Variants in BAZ2B observed in about 807,000 individuals in gnomAD.
BAZ2B encodes the protein bromodomain adjacent to zinc finger domain protein 2B.
In BAZ2B, 91 loss-of-function variants were observed where a neutral mutation model predicts 246.0. That is an observed-to-expected ratio of 0.37 (90% confidence interval 0.31 to 0.44). BAZ2B has a LOEUF of 0.44. Ranked by LOEUF, BAZ2B falls within the 20% of genes least tolerant of loss-of-function variation. BAZ2B has a pLI of 1.00. For synonymous variants in BAZ2B, 855 were observed against 860.0 expected (o/e 0.99, Z 0.10); for missense variants, 2,332 against 2,533.7 (o/e 0.92, Z 1.71).
At chr2:159,317,206 T>C (rs1161284285), downstream of BAZ2B, among the ~76,000 whole-genome samples, 1 of 152,110 alleles carries the variant, frequency 6.6e-6, no homozygotes, top group Non-Finnish European at 1.5e-5. Context: ...TTGTTGAGGA[T>C]GTGTTTAAAG....
intron 1 of BAZ2B, among the ~76,000 whole-genome samples, chr2:159,590,605 AAAT>A (rs1333382097): frequency 6.6e-6 from 1 of 152,086 alleles, no homozygotes; most frequent in Non-Finnish European, 1.5e-5. Context: ...ATAAATAAAT[AAAT>A]AAATAGATAG....
intron 7 of BAZ2B, 107 bp from the exon 8 acceptor site, chr2:159,438,802 C>G: frequency 1.5e-6 from 2 of 1,332,342 alleles, no homozygotes; most frequent in Non-Finnish European, 2.0e-6. Flanking sequence ...GTTCTTAATG[C>G]CTTATGATAA....
At chr2:159,495,991 G>A (rs1301062965) in intron 2 of BAZ2B, among the ~76,000 whole-genome samples, 2 of 151,070 alleles carry the variant, frequency 1.3e-5, no homozygotes, top group South Asian at 4.2e-4. Flanking sequence ...GGATGGTCTC[G>A]ATCTCCTGAC....
chr2:159,539,781 A>T (rs2086438527), intron 2 of BAZ2B, among the ~76,000 whole-genome samples: 2 of 152,214 alleles, frequency 1.3e-5, no homozygotes, highest in South Asian at 4.1e-4. Context: ...AAAGAAGCTT[A>T]AACTTTTTTT....
the BAZ2B span, among the ~76,000 whole-genome samples, chr2:159,708,717 G>A: frequency 6.6e-6 from 1 of 152,036 alleles, no homozygotes. Flanking sequence ...TGGGATTATA[G>A]GCATGCACCA....
chr2:159,373,512 A>G (rs1467737729), intron 26 of BAZ2B, among the ~76,000 whole-genome samples: 3 of 152,222 alleles, frequency 2.0e-5, no homozygotes, highest in Non-Finnish European at 4.4e-5. Flanking sequence ...ATTCAATTCT[A>G]TTGCTTACAG....
chr2:159,323,439 A>T (rs930352690), intron 36 of BAZ2B, among the ~76,000 whole-genome samples: 1 of 152,168 alleles, frequency 6.6e-6, no homozygotes, highest in African/African-American at 2.4e-5. Context: ...CTTCATGTGT[A>T]ATTCTTTTTC....
At chr2:159,380,022 A>G (rs569145146) in intron 25 of BAZ2B, among the ~76,000 whole-genome samples, 1 of 152,126 alleles carries the variant, frequency 6.6e-6, no homozygotes, top group South Asian at 2.1e-4. Flanking sequence ...ACACACACAC[A>G]CACATCCCTC....
chr2:159,576,916 A>AAC (rs1394833014), intron 1 of BAZ2B, among the ~76,000 whole-genome samples: 1 of 135,790 alleles, frequency 7.4e-6, no homozygotes, highest in Non-Finnish European at 1.6e-5. Flanking sequence ...GTGTCTCAAA[A>AAC]AAAAAAAAAA....
chr2:159,438,414 T>G lies in BAZ2B; in HGVS notation c.1182A>C (p.Lys394Asn), dbSNP rs910101896. 3 of 1,614,088 alleles carry G rather than the reference T, an allele frequency of 1.9e-6. No homozygotes were observed. Among genetic ancestry groups the G allele is most frequent in the Non-Finnish European group, 2.5e-6 (3 of 1,180,024 alleles). ...CTATGAGTTTCATGTAAGTTTCCTT[T>G]TTGGCTTGATTTACCAAAGATAAAG... The part of the protein sequence containing the change: ...VKPLSLVNQA[K>N]KETYMKLIVP... Residue 394 changes from lysine to asparagine, a missense_variant, in exon 8 of 37, where the codon AAA becomes AAC. Transcript: ENST00000392783.
the BAZ2B span, among the ~76,000 whole-genome samples, chr2:159,681,926 T>TA: frequency 1.5e-3 from 184 of 123,912 alleles, 4 homozygotes; most frequent in East Asian, 0.03. Flanking sequence ...GTCTCAAAAA[T>TA]AAAAAATAAA....
chr2:159,446,288 T>C (rs1044013106), intron 6 of BAZ2B, among the ~76,000 whole-genome samples: 4 of 152,174 alleles, frequency 2.6e-5, no homozygotes, highest in African/African-American at 9.7e-5. Flanking sequence ...GTTGGGGATA[T>C]ACATGAAATA....
At chr2:159,689,271 C>T in the BAZ2B span, 1 of 472,146 alleles carries the variant, frequency 2.1e-6, no homozygotes, top group South Asian at 1.9e-5. Flanking sequence ...ACTTTAACAC[C>T]TGTCTCATCC....
At chr2:159,469,125 G>GAA (rs531221803) in intron 3 of BAZ2B, among the ~76,000 whole-genome samples, 65 of 142,662 alleles carry the variant, frequency 4.6e-4, no homozygotes, top group African/African-American at 1.5e-3. Flanking sequence ...ATTAATGAGA[G>GAA]AAAAAAAACA....
intron 27 of BAZ2B, among the ~76,000 whole-genome samples, chr2:159,357,429 A>C (rs1434605040): frequency 6.6e-6 from 1 of 152,064 alleles, no homozygotes; most frequent in Non-Finnish European, 1.5e-5. Context: ...AGAAAAAAGA[A>C]TGAAAAGAAA....
intron 1 of BAZ2B, among the ~76,000 whole-genome samples, chr2:159,603,683 C>A (rs1172417664): frequency 4.7e-5 from 7 of 149,762 alleles, no homozygotes; most frequent in Non-Finnish European, 8.9e-5. Flanking sequence ...AAAAAAAAAA[C>A]AAAACCCCAA....
chr2:159,673,012 C>A, the BAZ2B span, among the ~76,000 whole-genome samples: 1 of 152,050 alleles, frequency 6.6e-6, no homozygotes, highest in African/African-American at 2.4e-5. Flanking sequence ...ATTGACAAAT[C>A]TGTTACATAA....
the BAZ2B span, among the ~76,000 whole-genome samples, chr2:159,704,575 C>A: frequency 1.2e-4 from 18 of 151,472 alleles, no homozygotes; most frequent in Non-Finnish European, 5.9e-5. Flanking sequence ...CTCCACCTCC[C>A]GGGTTCAAGT....
chr2:159,608,394 A>C (rs1694002938), intron 1 of BAZ2B, among the ~76,000 whole-genome samples: 1 of 152,172 alleles, frequency 6.6e-6, no homozygotes, highest in Non-Finnish European at 1.5e-5. Flanking sequence ...AAAAAGTAAA[A>C]ATAAAAATCC....
Sources: gnomAD v4.1 joint callset for allele counts (sites outside exome capture counted in the v4.1 genomes callset) on GRCh38, gnomAD v4.1.1 for gene constraint, MANE v1.5 for transcripts, NCBI Gene and HGNC (gene_info 2026-07-23, HGNC 2026-07-21) for gene names.